Variants in CACNA1S observed in about 807,000 individuals in gnomAD.
CACNA1S encodes calcium voltage-gated channel subunit alpha1 S, also known as voltage-dependent L-type calcium channel subunit alpha-1S.
In CACNA1S, 126 loss-of-function variants were observed where a neutral mutation model predicts 207.4. The ratio of observed to expected loss-of-function variants is 0.61; its 90% CI spans 0.53 to 0.70. CACNA1S has a LOEUF of 0.70. CACNA1S is among the 30% of genes least tolerant of loss of function. The pLI, the probability that CACNA1S is intolerant of heterozygous loss-of-function variation, is 0.00. For missense variants in CACNA1S, 2,349 were observed against 2,422.8 expected, an observed-to-expected ratio of 0.97 and a Z score of 0.64; for synonymous variants, 960 against 932.7, an observed-to-expected ratio of 1.03 and a Z score of -0.53.
intron 39 of CACNA1S, 115 bp from the exon 40 acceptor site, chr1:201,043,646 T>A (rs1660373147): frequency 1.0e-6 from 1 of 962,370 alleles, no homozygotes; most frequent in South Asian, 1.4e-5. Flanking sequence ...ACAAATCTTA[T>A]AAGGCCAAAG....
At chr1:201,110,820 C>A (rs1211558039) in intron 1 of CACNA1S, among the ~76,000 whole-genome samples, 4 of 152,216 alleles carry the variant, frequency 2.6e-5, no homozygotes, top group African/African-American at 9.6e-5. Flanking sequence ...ACACCTCACC[C>A]CTCCCAGACA....
rs1379376852 is a variant in CACNA1S, at chr1:201,058,422, G to A, written c.3595C>T (p.Leu1199Phe). Residue 1199 changes from leucine (L) to phenylalanine (F), a missense_variant, in exon 28 of 44, where the codon CTC becomes TTC. Transcript: ENST00000362061. ...CTGATACTCACGTCGATCTCACTGA[G>A]GATGACATCAATGATGCTGCCAATG... is the stretch of plus-strand genomic sequence containing the variant. ...IVIGSIIDVI[L>F]SEIDTFLASS... 8 of 1,613,728 alleles carry A rather than the reference G, an allele frequency of 5.0e-6. No individual in the cohort carries two copies. Among genetic ancestry groups the A allele is most frequent in the Non-Finnish European group, 5.9e-6 (7 of 1,179,714 alleles).
chr1:201,098,347 T>C (rs1380777878), intron 2 of CACNA1S, among the ~76,000 whole-genome samples: 1 of 152,198 alleles, frequency 6.6e-6, no homozygotes, highest in Non-Finnish European at 1.5e-5. Context: ...TCTATGGCAA[T>C]CTGCAGCCAC....
At chr1:201,091,555 C>A in intron 5 of CACNA1S, 85 bp downstream of exon 5, 1 of 1,484,338 alleles carries the variant, frequency 6.7e-7, no homozygotes, top group Non-Finnish European at 9.4e-7. Flanking sequence ...GGCTGAGCTC[C>A]GGGCTCCTTC....
In CACNA1S at chr1:201,070,272, T is replaced by A. The variant is rs770110085; in HGVS notation, c.2360A>T (p.Lys787Met). ...CCCACAGCAGCCAAGGGGCACCCAC[T>A]TATTGGTGGGGCTGAAGATGAAGAA... Reference protein sequence around the residue: ...SSFFIFSPTNKIRVLCHRIVN... With the variant: ...SSFFIFSPTNMIRVLCHRIVN... Residue 787 changes from lysine to methionine, a missense_variant and splice_region_variant, in exon 17 of 44, where the codon AAG becomes ATG. Lys to Met is a moderately conservative substitution (Grantham distance 95). Coordinates refer to ENST00000362061, the MANE Select transcript of CACNA1S (RefSeq NM_000069.3). 5 of 1,613,758 alleles carry A rather than the reference T, an allele frequency of 3.1e-6. No individual in the cohort carries two copies. Among genetic ancestry groups the A allele is most frequent in the Non-Finnish European group, 4.2e-6 (5 of 1,179,980 alleles).
At chr1:201,072,316 A>C (rs957378928) in intron 16 of CACNA1S, among the ~76,000 whole-genome samples, 5 of 152,062 alleles carry the variant, frequency 3.3e-5, no homozygotes, top group Non-Finnish European at 5.9e-5. Context: ...CCATGGTTCT[A>C]TCCATCCCTG....
chr1:201,110,327 G>A (rs1663052127), intron 1 of CACNA1S, 58 bp from the exon 2 acceptor site: 2 of 1,469,492 alleles, frequency 1.4e-6, no homozygotes, highest in East Asian at 2.3e-5. Flanking sequence ...AGGGTTAAGG[G>A]GATGAGGGCG....
In CACNA1S at chr1:201,075,561, C is replaced by T. The variant is rs768445692; in HGVS notation, c.1882G>A (p.Gly628Ser). The T allele has an allele frequency of 2.5e-5, 41 of 1,614,036 alleles. No individual in the cohort carries two copies. Among genetic ancestry groups the T allele is most frequent in the Non-Finnish European group, 3.1e-5 (37 of 1,180,020 alleles). ...SMMYNGIMAY[G>S]GPSYPGMLVC... ...AGCATGCCAGGGTAGGACGGCCCGCCGTAGGCCATGATCCCATTGTACATC... is the reference window on the plus strand; with the variant it reads ...AGCATGCCAGGGTAGGACGGCCCGCTGTAGGCCATGATCCCATTGTACATC... Residue 628 changes from glycine to serine, a missense_variant, in exon 13 of 44, where the codon GGC (glycine) becomes AGC (serine). Transcript: ENST00000362061.
chr1:201,040,449 C>T (rs944407766), intron 42 of CACNA1S, 75 bp from the exon 43 acceptor site: 2 of 1,571,764 alleles, frequency 1.3e-6, no homozygotes, highest in African/African-American at 2.7e-5. Flanking sequence ...TCCAGATCAT[C>T]TGAGGGCAAC....
At chr1:201,063,437 G>T (rs1661139367) in intron 22 of CACNA1S, among the ~76,000 whole-genome samples, 1 of 151,960 alleles carries the variant, frequency 6.6e-6, no homozygotes, top group East Asian at 1.9e-4. Flanking sequence ...TTACAGGTAT[G>T]TGCCATCATG....
intron 7 of CACNA1S, among the ~76,000 whole-genome samples, chr1:201,086,575 C>CT (rs1431610709): frequency 6.6e-6 from 1 of 152,200 alleles, no homozygotes; most frequent in Non-Finnish European, 1.5e-5. Context: ...ATCTGTGGAT[C>CT]TAAACATAGC....
At chr1:201,054,662 A>T in intron 28 of CACNA1S, 101 bp from the exon 29 acceptor site, 1 of 820,974 alleles carries the variant, frequency 1.2e-6, no homozygotes, top group African/African-American at 1.8e-5. Flanking sequence ...ACAGACACAC[A>T]GAAGAGTTAA....
chr1:201,094,287 A>G (rs934878527), intron 2 of CACNA1S, among the ~76,000 whole-genome samples: 3 of 151,950 alleles, frequency 2.0e-5, no homozygotes, highest in Admixed American at 6.6e-5. Flanking sequence ...CATCTCCAGC[A>G]TTTCATGTTC....
At chr1:201,044,174 C>T (rs1660391686) in intron 39 of CACNA1S, among the ~76,000 whole-genome samples, 154 bp downstream of exon 39, 1 of 152,080 alleles carries the variant, frequency 6.6e-6, no homozygotes, top group Non-Finnish European at 1.5e-5. Context: ...TTCTGAGTCC[C>T]AGGAGAGGTG....
chr1:201,051,188 G>A (rs1278452050), intron 32 of CACNA1S, 45 bp from the exon 33 acceptor site: 2 of 1,609,232 alleles, frequency 1.2e-6, no homozygotes, highest in Admixed American at 1.7e-5. Context: ...CTCCTGCCTG[G>A]CCCCTCAGAA....
At chr1:201,049,978 C>T (rs562738978) in intron 34 of CACNA1S, among the ~76,000 whole-genome samples, 9 of 152,252 alleles carry the variant, frequency 5.9e-5, no homozygotes, top group Non-Finnish European at 7.4e-5. Context: ...TAAATGCATA[C>T]GAATGTCCCA....
intron 39 of CACNA1S, among the ~76,000 whole-genome samples, 169 bp from the exon 40 acceptor site, chr1:201,043,700 C>A (rs1229229895): frequency 6.6e-6 from 1 of 152,040 alleles, no homozygotes; most frequent in Non-Finnish European, 1.5e-5. Flanking sequence ...AAATTCCCAC[C>A]CTTAGAAAGT....
rs1250656186 is a variant in CACNA1S, at chr1:201,066,645, G to T, written c.2657+242C>A. On this transcript the variant is annotated intron_variant, in intron 20 of 43. Coordinates refer to ENST00000362061, the MANE Select transcript of CACNA1S (RefSeq NM_000069.3). This position sits in a 1 kb window ranked among gnomAD's most constrained non-coding sequence, Gnocchi z 4.3. ...GCTCCCCACAGGGTCGGGGAGGGAG[G>T]GACCACTTCCTCCTCTCTGCATCTC... Among the ~76,000 whole-genome samples, 1 of 152,132 alleles carries T rather than the reference G, an allele frequency of 6.6e-6. No homozygotes were observed. The highest frequency in any genetic ancestry group is 2.4e-5 in the African/African-American group (1 of 41,436).
At chr1:201,042,987 C>T (rs1660324946) in intron 40 of CACNA1S, 2 of 405,610 alleles carry the variant, frequency 4.9e-6, no homozygotes, top group Non-Finnish European at 9.3e-6. Flanking sequence ...CCTCTCCTAA[C>T]CTATCATGTG....
Sources: gnomAD v4.1 joint callset for allele counts (sites outside exome capture counted in the v4.1 genomes callset) on GRCh38, gnomAD v4.1.1 for gene constraint, Gnocchi (gnomAD v3.1) non-coding constraint, MANE v1.5 for transcripts, NCBI Gene and HGNC (gene_info 2026-07-23, HGNC 2026-07-21) for gene names.